Variants in EED observed in about 807,000 individuals in gnomAD.
The protein encoded by EED is embryonic ectoderm development, also known as polycomb protein EED.
A neutral mutation model predicts 61.0 loss-of-function variants in EED; 9 were observed. The observed-to-expected ratio is 0.15, with a 90% confidence interval of 0.09 to 0.26. The LOEUF (loss-of-function observed/expected upper bound fraction) is 0.26. Ranked by LOEUF, EED falls within the 10% of genes least tolerant of loss-of-function variation. EED has a pLI of 1.00. For missense variants in EED, 315 were observed against 542.3 expected (o/e 0.58, Z 4.16); for synonymous variants, 187 against 174.4 (o/e 1.07, Z -0.57).
chr11:86,259,054 G>A (rs946752227), intron 6 of EED, among the ~76,000 whole-genome samples: 5 of 151,230 alleles, frequency 3.3e-5, no homozygotes, highest in Non-Finnish European at 7.4e-5. Context: ...TTTTAGTAGA[G>A]ATGAGGTTTC....
chr11:86,286,341 G>A, the EED span, among the ~76,000 whole-genome samples: 3 of 152,032 alleles, frequency 2.0e-5, no homozygotes, highest in South Asian at 6.2e-4. Flanking sequence ...GTGCCTGGCT[G>A]AGATGACAAA....
At chr11:86,258,612 A>G (rs536416089) in intron 6 of EED, among the ~76,000 whole-genome samples, 17 of 148,918 alleles carry the variant, frequency 1.1e-4, no homozygotes, top group African/African-American at 4.0e-4. Flanking sequence ...CTGGAGCGCA[A>G]TGGTGCAATC....
rs767913799 is a variant in EED, at chr11:86,257,572, A to C, written c.610A>C (p.Asn204His). Residue 204 changes from asparagine to histidine, a missense_variant, in exon 6 of 12, where the codon AAT becomes CAT. Asn to His is a moderately conservative substitution (Grantham distance 68). Coordinates refer to ENST00000263360, the MANE Select transcript of EED (RefSeq NM_003797.5). ...GCTGAAATTCCATCCAAGAGATCCA[A>C]ATCTTCTCCTGTCAGTAAGTAAAGG... ...NELKFHPRDP[N>H]LLLSVSKDHA... The C allele has an allele frequency of 7.4e-6, 12 of 1,612,212 alleles. No homozygotes were observed. Among genetic ancestry groups the C allele is most frequent in the South Asian group, 1.1e-5 (1 of 90,778 alleles).
chr11:86,254,048 CAAAAAA>C (rs201298345), intron 3 of EED, among the ~76,000 whole-genome samples: 11 of 56,314 alleles, frequency 2.0e-4, no homozygotes, highest in East Asian at 7.0e-4. Flanking sequence ...AACTCTGTCT[CAAAAAA>C]AAAAAAAAAA....
intron 6 of EED, among the ~76,000 whole-genome samples, chr11:86,258,452 A>T (rs892261095): frequency 6.6e-6 from 1 of 152,186 alleles, no homozygotes; most frequent in Non-Finnish European, 1.5e-5. Context: ...GTCTCTTGAT[A>T]ACACTAATTG....
chr11:86,263,306 CAA>C (rs1399230995), intron 6 of EED, among the ~76,000 whole-genome samples: 1 of 152,210 alleles, frequency 6.6e-6, no homozygotes, highest in Non-Finnish European at 1.5e-5. Context: ...GAATTACCCT[CAA>C]TGCTCCACTC....
At chr11:86,274,477 A>G (rs996673229) in intron 9 of EED, among the ~76,000 whole-genome samples, 1 of 152,114 alleles carries the variant, frequency 6.6e-6, no homozygotes, top group African/African-American at 2.4e-5. Flanking sequence ...CCTTATTTAG[A>G]TCTTCTCTTA....
intron 5 of EED, among the ~76,000 whole-genome samples, chr11:86,257,188 TG>T (rs1354358842): frequency 2.2e-4 from 5 of 22,756 alleles, no homozygotes; most frequent in East Asian, 2.7e-3. Flanking sequence ...TTTTAATTTG[TG>T]TGTGTGTGTG....
At chr11:86,250,192 G>A (rs1945494774) in intron 1 of EED, 104 bp from the exon 2 acceptor site, 1 of 1,095,816 alleles carries the variant, frequency 9.1e-7, no homozygotes, top group Non-Finnish European at 1.2e-6. Flanking sequence ...TCTTCTTGTA[G>A]AAATTATTTC....
chr11:86,287,531 G>T, the EED span, among the ~76,000 whole-genome samples: 1 of 152,050 alleles, frequency 6.6e-6, no homozygotes, highest in African/African-American at 2.4e-5. Context: ...AAAATTGTTG[G>T]GTGATTTCTC....
intron 8 of EED, 99 bp from the exon 9 acceptor site, chr11:86,268,357 A>G (rs1215842817): frequency 9.6e-6 from 7 of 729,552 alleles, no homozygotes; most frequent in South Asian, 8.3e-5. Flanking sequence ...ATAGTCTTAC[A>G]TTTTGTTTTT....
At chr11:86,275,732 G>A (rs1181533694) in intron 9 of EED, among the ~76,000 whole-genome samples, 1 of 152,204 alleles carries the variant, frequency 6.6e-6, no homozygotes, top group African/African-American at 2.4e-5. Flanking sequence ...AGTAGGGGCT[G>A]AGATGAGTCT....
the EED span, among the ~76,000 whole-genome samples, chr11:86,285,507 G>T: frequency 1.3e-5 from 2 of 152,180 alleles, no homozygotes; most frequent in African/African-American, 4.8e-5. Context: ...TTCTCAACTG[G>T]TCGTGGTTTT....
In EED at chr11:86,274,570, C is replaced by G. The variant is rs557460203; in HGVS notation, c.967-2410C>G. Among the ~76,000 whole-genome samples, 3 of 152,210 alleles carry G rather than the reference C, an allele frequency of 2.0e-5. No individual in the cohort carries two copies. The East Asian group carries it at 5.8e-4, about 29-fold the overall frequency. On this transcript the variant is annotated intron_variant, in intron 9 of 11. Coordinates refer to ENST00000263360, the MANE Select transcript of EED (RefSeq NM_003797.5). ...CAGATTGGGGTGGAAGTCTGGGTTC[C>G]CCACTCGGTTGACCTTGTGTTGGTG...
In EED at chr11:86,272,455, A is replaced by G. The variant is rs544697429; in HGVS notation, c.966+3894A>G. On this transcript the variant is annotated intron_variant, in intron 9 of 11. Transcript: ENST00000263360. ...TTTGTTTTATGGCTCTATTTTAGAT[A>G]TATTTGATGGGAGCTTGAAAAGAAT... Among the ~76,000 whole-genome samples, 53 of 152,226 alleles carry G rather than the reference A, an allele frequency of 3.5e-4. No individual in the cohort carries two copies. In the East Asian group the frequency reaches 6.8e-3, roughly 19 times the overall value.
At chr11:86,264,340 A>G in intron 7 of EED, 77 bp downstream of exon 7, 2 of 1,051,082 alleles carry the variant, frequency 1.9e-6, no homozygotes, top group East Asian at 4.9e-5. Flanking sequence ...GTTTCCTTAT[A>G]AGAAAGTGTG....
intron 2 of EED, 27 bp from the exon 3 acceptor site, chr11:86,252,121 T>G (rs1369915846): frequency 1.3e-5 from 20 of 1,584,578 alleles, no homozygotes; most frequent in Non-Finnish European, 1.6e-5. Flanking sequence ...TACATTAATC[T>G]TTTCTTATTT....
downstream of EED, among the ~76,000 whole-genome samples, chr11:86,281,421 C>T (rs916900879): frequency 6.6e-6 from 1 of 151,002 alleles, no homozygotes; most frequent in Non-Finnish European, 1.5e-5. Flanking sequence ...TTTTTATTTT[C>T]TATTTCATTT....
chr11:86,278,517 C>G lies in EED; in HGVS notation c.1318C>G (p.Leu440Val). ...TGCCAGTATTTGGCGCTGGGATCGA[C>G]TTCGATAAAATACTTTTGCCTAATC... Reference protein sequence around the residue: ...DDASIWRWDRLR With the variant: ...DDASIWRWDRVR The change falls in exon 12 of 12, where the codon CTT (leucine) becomes GTT (valine). Residue 440 changes from leucine (L) to valine (V), a missense_variant. Coordinates refer to ENST00000263360, the MANE Select transcript of EED (RefSeq NM_003797.5). The G allele has an allele frequency of 6.2e-7, 1 of 1,612,984 alleles. No homozygotes were observed. The highest frequency in any genetic ancestry group is 8.5e-7 in the Non-Finnish European group (1 of 1,179,476).
Sources: allele counts gnomAD v4.1 joint callset (sites outside exome capture counted in the v4.1 genomes callset), GRCh38; gene constraint gnomAD v4.1.1; transcripts MANE v1.5; gene names NCBI Gene and HGNC (gene_info 2026-07-23, HGNC 2026-07-21).